SLC24A2: variants seen among roughly 807,000 people sequenced by gnomAD.
SLC24A2 encodes sodium/potassium/calcium exchanger 2.
In SLC24A2, 36 loss-of-function variants were observed where a neutral mutation model predicts 62.0. The ratio of observed to expected loss-of-function variants is 0.58; its 90% CI spans 0.44 to 0.77. SLC24A2 has a LOEUF of 0.77. Ranked by LOEUF, SLC24A2 falls within the 30% of genes least tolerant of loss-of-function variation. The pLI is 0.00. For synonymous variants in SLC24A2, 358 were observed against 294.0 expected (o/e 1.22, Z -2.23); for missense variants, 846 against 817.9 (o/e 1.03, Z -0.42).
the SLC24A2 span, among the ~76,000 whole-genome samples, chr9:19,937,034 T>G: frequency 6.6e-6 from 1 of 151,988 alleles, no homozygotes; most frequent in Non-Finnish European, 1.5e-5. Flanking sequence ...AACCAAAAAG[T>G]CAGGAGAAAG....
the SLC24A2 span, among the ~76,000 whole-genome samples, chr9:20,096,384 A>G: frequency 1.3e-5 from 2 of 152,200 alleles, no homozygotes; most frequent in Non-Finnish European, 2.9e-5. Flanking sequence ...AGTCTCCTAT[A>G]GGGACACTAA....
intron 4 of SLC24A2, 83 bp downstream of exon 4, chr9:19,619,501 A>G: frequency 2.8e-6 from 3 of 1,089,222 alleles, no homozygotes; most frequent in African/African-American, 1.5e-5. Context: ...GCATGACGAC[A>G]GCACAAACAC....
the SLC24A2 span, among the ~76,000 whole-genome samples, chr9:19,983,681 G>A: frequency 1.3e-5 from 2 of 151,892 alleles, no homozygotes; most frequent in Admixed American, 6.6e-5. Flanking sequence ...TTCATCCACT[G>A]GAAATGATCA....
chr9:19,939,963 T>G, the SLC24A2 span, among the ~76,000 whole-genome samples: 3 of 152,232 alleles, frequency 2.0e-5, no homozygotes, highest in Admixed American at 1.3e-4. Context: ...TCCAAGTTTT[T>G]CTCCACCCCA....
At chr9:20,057,579 C>A in the SLC24A2 span, among the ~76,000 whole-genome samples, 2 of 152,154 alleles carry the variant, frequency 1.3e-5, no homozygotes, top group Non-Finnish European at 1.5e-5. Context: ...GCCTCATGAG[C>A]TATGGGATAT....
Position 19,666,265 on chromosome 9 carries a change from G to A in SLC24A2, c.931-43966C>T, listed in dbSNP as rs111710883. Among the ~76,000 whole-genome samples the A allele has an allele frequency of 9.4e-3, 1,423 of 152,168 alleles. 31 individuals are homozygous for A. Among genetic ancestry groups the A allele is most frequent in the African/African-American group, 0.033 (1,362 of 41,502 alleles). On this transcript the variant is annotated intron_variant, in intron 2 of 10. Coordinates refer to ENST00000341998, the MANE Select transcript of SLC24A2 (RefSeq NM_020344.4). ...ACAAAAAAATACAAAAATTAGCCAGGCATGGTGGCATGCACTTGTAGTCCC... is the reference window on the plus strand; with the variant it reads ...ACAAAAAAATACAAAAATTAGCCAGACATGGTGGCATGCACTTGTAGTCCC...
intron 2 of SLC24A2, among the ~76,000 whole-genome samples, chr9:19,724,659 T>C (rs2118673261): frequency 6.6e-6 from 1 of 152,296 alleles, no homozygotes; most frequent in Non-Finnish European, 1.5e-5. Context: ...TTATGCCCAA[T>C]CTAATTACCT....
chr9:19,969,911 A>G, the SLC24A2 span, among the ~76,000 whole-genome samples: 1 of 152,200 alleles, frequency 6.6e-6, no homozygotes, highest in Non-Finnish European at 1.5e-5. Flanking sequence ...TGCAATATAA[A>G]GTGTCTGTGC....
rs1232775352 is a variant in SLC24A2, at chr9:19,701,982, A to G, written c.931-79683T>C. ...AAACGATAACAAAGTTACAAGGTAC[A>G]TAGAGTCAGAATCTCTTGTTTTTCA... is the stretch of plus-strand genomic sequence containing the variant. On this transcript the variant is annotated intron_variant, in intron 2 of 10. Coordinates refer to ENST00000341998, the MANE Select transcript of SLC24A2 (RefSeq NM_020344.4). 3.9e-5 allele frequency among the ~76,000 whole-genome samples: 6 copies of G among 152,360 alleles called. No individual in the cohort carries two copies. In the South Asian group the frequency reaches 8.3e-4, roughly 21 times the overall value.
intron 2 of SLC24A2, among the ~76,000 whole-genome samples, chr9:19,777,915 A>C (rs926281332): frequency 6.6e-6 from 1 of 152,206 alleles, no homozygotes; most frequent in Non-Finnish European, 1.5e-5. Context: ...ATATTATTTA[A>C]AAGGCAAACC....
chr9:19,544,975 C>A (rs1349783612), intron 8 of SLC24A2, among the ~76,000 whole-genome samples: 1 of 152,152 alleles, frequency 6.6e-6, no homozygotes, highest in African/African-American at 2.4e-5. Context: ...GTTGGCCTGT[C>A]TTGCTAGGTT....
At chr9:19,670,179 T>C (rs1819375101) in intron 2 of SLC24A2, among the ~76,000 whole-genome samples, 1 of 152,156 alleles carries the variant, frequency 6.6e-6, no homozygotes, top group Non-Finnish European at 1.5e-5. Flanking sequence ...GATCTCAGTC[T>C]TGAGACCCCT....
chr9:20,072,628 C>G, the SLC24A2 span, among the ~76,000 whole-genome samples: 14 of 151,606 alleles, frequency 9.2e-5, no homozygotes, highest in African/African-American at 3.4e-4. Flanking sequence ...GAAGATTATC[C>G]TAGATTATCT....
the SLC24A2 span, among the ~76,000 whole-genome samples, chr9:20,282,472 A>C: frequency 1.1e-4 from 17 of 152,178 alleles, no homozygotes; most frequent in African/African-American, 2.2e-4. Flanking sequence ...GTTTGCATTT[A>C]TTCAATTTTC....
intron 2 of SLC24A2, among the ~76,000 whole-genome samples, chr9:19,729,702 C>A (rs377143818): frequency 3.9e-5 from 6 of 151,924 alleles, no homozygotes; most frequent in African/African-American, 1.2e-4. Flanking sequence ...AAAGAGGATA[C>A]AAGAGGCTGG....
chr9:20,201,145 G>C, the SLC24A2 span, among the ~76,000 whole-genome samples: 1 of 152,188 alleles, frequency 6.6e-6, no homozygotes, highest in Non-Finnish European at 1.5e-5. Context: ...GCATGCTCCA[G>C]ACACTGGGGA....
At chr9:19,752,925 A>C (rs1354300719) in intron 2 of SLC24A2, among the ~76,000 whole-genome samples, 6 of 152,176 alleles carry the variant, frequency 3.9e-5, no homozygotes, top group Admixed American at 3.9e-4. Context: ...CTCCTACTGC[A>C]AAACTATGCT....
At chr9:20,114,996 G>A in the SLC24A2 span, among the ~76,000 whole-genome samples, 1 of 152,142 alleles carries the variant, frequency 6.6e-6, no homozygotes, top group East Asian at 1.9e-4. Context: ...CCAGAAGGTT[G>A]AAACTTAAAT....
chr9:19,748,364 G>C (rs1161520235), intron 2 of SLC24A2, among the ~76,000 whole-genome samples: 1 of 152,156 alleles, frequency 6.6e-6, no homozygotes, highest in Non-Finnish European at 1.5e-5. Context: ...TACTCAACAA[G>C]ATGACAAAAC....
Sources: gnomAD v4.1 joint callset for allele counts (sites outside exome capture counted in the v4.1 genomes callset) on GRCh38, gnomAD v4.1.1 for gene constraint, MANE v1.5 for transcripts, NCBI Gene and HGNC (gene_info 2026-07-23, HGNC 2026-07-21) for gene names.